The following NR5A2 variants were observed in gnomAD, a reference collection of about 807,000 sequenced individuals.
NR5A2 encodes the protein CYP7A promoter-binding factor.
In NR5A2, 26 loss-of-function variants were observed where a neutral mutation model predicts 62.7. That is an observed-to-expected ratio of 0.41 (90% CI 0.30 to 0.58). NR5A2 has a LOEUF of 0.58. Among genes scored for constraint, NR5A2 ranks in the 20% least tolerant of loss-of-function variants. The pLI, the probability that NR5A2 is intolerant of heterozygous loss-of-function variation, is 0.22. For missense variants in NR5A2, 541 were observed against 669.1 expected, an observed-to-expected ratio of 0.81 and a Z score of 2.11; for synonymous variants, 246 against 241.7, an observed-to-expected ratio of 1.02 and a Z score of -0.16.
intron 5 of NR5A2, among the ~76,000 whole-genome samples, chr1:200,052,347 T>G (rs1238647439): frequency 6.6e-6 from 1 of 152,182 alleles, no homozygotes; most frequent in African/African-American, 2.4e-5. Flanking sequence ...TTTTATTCAA[T>G]TTGATTTTAA....
chr1:200,046,957 A>G (rs1662396575), intron 4 of NR5A2, among the ~76,000 whole-genome samples: 1 of 152,220 alleles, frequency 6.6e-6, no homozygotes, highest in Non-Finnish European at 1.5e-5. Flanking sequence ...ACAACTGAAT[A>G]TTCAATAAAT....
At chr1:200,137,679 C>T (rs1329784141) in intron 7 of NR5A2, among the ~76,000 whole-genome samples, 5 of 152,094 alleles carry the variant, frequency 3.3e-5, no homozygotes, top group Middle Eastern at 3.4e-3. Flanking sequence ...AATTTGTGTA[C>T]GTTTTTAAGT....
chr1:200,169,160 G>A (rs1307705485), intron 7 of NR5A2, among the ~76,000 whole-genome samples: 5 of 152,038 alleles, frequency 3.3e-5, no homozygotes, highest in East Asian at 3.9e-4. Flanking sequence ...AGTGAGCTAC[G>A]ATGTCACCAC....
intron 1 of NR5A2, among the ~76,000 whole-genome samples, chr1:200,032,961 CA>C (rs1444302760): frequency 6.6e-6 from 1 of 152,194 alleles, no homozygotes; most frequent in Non-Finnish European, 1.5e-5. Flanking sequence ...GCTTAAGAAA[CA>C]TATTTGTAAG....
At chr1:200,069,432 T>G (rs1663638759) in intron 5 of NR5A2, among the ~76,000 whole-genome samples, 1 of 152,148 alleles carries the variant, frequency 6.6e-6, no homozygotes, top group African/African-American at 2.4e-5. Context: ...GGCTAATTTT[T>G]GTATTTTTAG....
intron 7 of NR5A2, among the ~76,000 whole-genome samples, chr1:200,156,284 CAG>C (rs934880063): frequency 6.6e-6 from 1 of 152,242 alleles, no homozygotes; most frequent in African/African-American, 2.4e-5. Context: ...CATCCTCCCT[CAG>C]GGGAGAGGTC....
At chr1:200,040,968 G>A (rs1318447040) in intron 2 of NR5A2, among the ~76,000 whole-genome samples, 1 of 152,208 alleles carries the variant, frequency 6.6e-6, no homozygotes, top group Non-Finnish European at 1.5e-5. Flanking sequence ...TAGAGCTGAA[G>A]CCCCGGAGGC....
chr1:200,111,165 TG>T, intron 5 of NR5A2, 36 bp from the exon 6 acceptor site: 1 of 1,599,424 alleles, frequency 6.3e-7, no homozygotes, highest in Middle Eastern at 1.7e-4. Context: ...TGTCATTTTT[TG>T]TTTTTTTTGT....
chr1:200,060,345 G>A (rs1558113318), intron 5 of NR5A2, among the ~76,000 whole-genome samples: 1 of 152,202 alleles, frequency 6.6e-6, no homozygotes, highest in Non-Finnish European at 1.5e-5. Flanking sequence ...GCAGGCAAGA[G>A]AAACGGTTAA....
At chr1:200,031,118 C>T (rs1365381098) in intron 1 of NR5A2, among the ~76,000 whole-genome samples, 1 of 152,190 alleles carries the variant, frequency 6.6e-6, no homozygotes, top group Admixed American at 6.5e-5. Context: ...ACTCTAGAGC[C>T]TCCCTTCTTT....
chr1:200,148,155 A>G, intron 7 of NR5A2: 1 of 372,070 alleles, frequency 2.7e-6, no homozygotes. Context: ...GGTGTCCAAG[A>G]GGAAGACCAG....
intron 5 of NR5A2, among the ~76,000 whole-genome samples, chr1:200,110,179 T>C (rs1665875884): frequency 6.6e-6 from 1 of 152,242 alleles, no homozygotes; most frequent in Non-Finnish European, 1.5e-5. Context: ...AAATCTAAAA[T>C]ACACAAAACT....
intron 5 of NR5A2, among the ~76,000 whole-genome samples, chr1:200,080,308 A>C (rs755495444): frequency 4.6e-5 from 7 of 152,180 alleles, no homozygotes; most frequent in Non-Finnish European, 8.8e-5. Context: ...AGAGTCTAAG[A>C]CTGCAAAAAT....
At chr1:200,050,181 C>T (rs536342645) in intron 5 of NR5A2, among the ~76,000 whole-genome samples, 23 of 152,310 alleles carry the variant, frequency 1.5e-4, no homozygotes, top group African/African-American at 5.5e-4. Flanking sequence ...CTATGATAAT[C>T]AGAACATTTT....
In NR5A2 at chr1:200,027,922, G is replaced by A; in HGVS notation, c.64+11G>A. The A allele has an allele frequency of 6.4e-7, 1 of 1,557,426 alleles. No individual in the cohort carries two copies. The highest frequency in any genetic ancestry group is 1.7e-4 in the Middle Eastern group (1 of 5,936). ...GACTTACACCTATTGGTAAGTAGGA[G>A]TTTCTCTATTGATCATCTATTTATT... On this transcript the variant is annotated intron_variant, in intron 1 of 7. Coordinates refer to ENST00000367362, the MANE Select transcript of NR5A2 (RefSeq NM_205860.3).
Position 200,131,114 on chromosome 1 carries a change from T to A in NR5A2, c.1378+10159T>A, listed in dbSNP as rs868393767. 3.3e-5 allele frequency among the ~76,000 whole-genome samples: 5 copies of A among 152,368 alleles called. No homozygotes were observed. In the Middle Eastern group the frequency reaches 0.017, roughly 518 times the overall value. On this transcript the variant is annotated intron_variant, in intron 7 of 7. Coordinates refer to ENST00000367362, the MANE Select transcript of NR5A2 (RefSeq NM_205860.3). ...TAATCATTTGAAATTCAGAAAGGAT[T>A]GATTAGCATTCAAGAGATGCCACTG...
At chr1:200,045,691 C>A in intron 4 of NR5A2, 107 bp downstream of exon 4, 1 of 833,494 alleles carries the variant, frequency 1.2e-6, no homozygotes, top group Non-Finnish European at 1.8e-6. Context: ...AGCATTTTAA[C>A]ACTACCGACA....
intron 7 of NR5A2, among the ~76,000 whole-genome samples, chr1:200,133,516 T>TATATACAC (rs1558158923): frequency 1.8e-5 from 2 of 112,178 alleles, no homozygotes; most frequent in East Asian, 5.0e-4. Flanking sequence ...TATATATATA[T>TATATACAC]ATATATATAT....
At chr1:200,045,214 G>A (rs1662303752) in intron 3 of NR5A2, among the ~76,000 whole-genome samples, 1 of 152,076 alleles carries the variant, frequency 6.6e-6, no homozygotes, top group African/African-American at 2.4e-5. Context: ...AATCTCCCCA[G>A]GATTTGACGT....
Sources: gnomAD v4.1 joint callset for allele counts (sites outside exome capture counted in the v4.1 genomes callset) on GRCh38, gnomAD v4.1.1 for gene constraint, MANE v1.5 for transcripts, NCBI Gene and HGNC (gene_info 2026-07-23, HGNC 2026-07-21) for gene names.